Variants in AUTS2 observed in about 807,000 individuals in gnomAD.
AUTS2 encodes the protein activator of transcription and developmental regulator AUTS2.
AUTS2 carries 17 observed loss-of-function variants against 112.4 expected under a neutral mutation model. That is an observed-to-expected ratio of 0.15 (90% CI 0.10 to 0.23). The LOEUF (loss-of-function observed/expected upper bound fraction) is 0.23. Ranked by LOEUF, AUTS2 falls within the 10% of genes least tolerant of loss-of-function variation. The probability of loss-of-function intolerance (pLI) is 1.00; values close to 1 mark genes in which losing one functional copy is unlikely to be tolerated. For synonymous variants in AUTS2, 751 were observed against 702.7 expected, an observed-to-expected ratio of 1.07 and a Z score of -1.09; for missense variants, 1,510 against 1,701.6, an observed-to-expected ratio of 0.89 and a Z score of 1.98.
At chr7:70,315,751 A>G (rs1239506726) in intron 4 of AUTS2, among the ~76,000 whole-genome samples, 1 of 152,162 alleles carries the variant, frequency 6.6e-6, no homozygotes, top group African/African-American at 2.4e-5. Flanking sequence ...CCGGTCGACA[A>G]TCCATGTCTA....
At chr7:69,789,730 G>T (rs62457242) in intron 1 of AUTS2, among the ~76,000 whole-genome samples, 1 of 151,956 alleles carries the variant, frequency 6.6e-6, no homozygotes, top group Non-Finnish European at 1.5e-5. Flanking sequence ...ATTCCTTTTG[G>T]AACTCAGATC....
chr7:70,297,738 A>T (rs1789012769), intron 4 of AUTS2, among the ~76,000 whole-genome samples: 1 of 152,076 alleles, frequency 6.6e-6, no homozygotes, highest in African/African-American at 2.4e-5. Context: ...CTGAACGATG[A>T]ATTTTTCTAC....
intron 18 of AUTS2, among the ~76,000 whole-genome samples, chr7:70,787,814 T>G (rs1240683846): frequency 6.6e-6 from 1 of 152,190 alleles, no homozygotes; most frequent in African/African-American, 2.4e-5. Context: ...TAACCATCCA[T>G]AGGTTTTTCT....
intron 1 of AUTS2, among the ~76,000 whole-genome samples, chr7:69,729,910 C>T (rs923389480): frequency 6.6e-6 from 1 of 150,742 alleles, no homozygotes; most frequent in African/African-American, 2.4e-5. Flanking sequence ...CAAATTTGAG[C>T]CACATTTATG....
chr7:70,355,110 G>T (rs757696676), intron 4 of AUTS2, among the ~76,000 whole-genome samples: 2 of 151,390 alleles, frequency 1.3e-5, no homozygotes, highest in African/African-American at 4.9e-5. Context: ...GTATGGGTGT[G>T]TGTGTGTGTG....
At chr7:69,666,705 C>T (rs1403987587) in intron 1 of AUTS2, among the ~76,000 whole-genome samples, 1 of 151,972 alleles carries the variant, frequency 6.6e-6, no homozygotes, top group Non-Finnish European at 1.5e-5. Flanking sequence ...AGTTCCAGAC[C>T]AGCCTAGGCA....
chr7:70,730,009 C>T (rs1563157180), intron 6 of AUTS2, among the ~76,000 whole-genome samples: 1 of 152,074 alleles, frequency 6.6e-6, no homozygotes, highest in Non-Finnish European at 1.5e-5. Flanking sequence ...CAGCCTACTG[C>T]GTAGCTGGGA....
chr7:69,765,181 C>T (rs1182530158), intron 1 of AUTS2, among the ~76,000 whole-genome samples: 1 of 152,146 alleles, frequency 6.6e-6, no homozygotes, highest in African/African-American at 2.4e-5. Flanking sequence ...CCAAAATTGT[C>T]AACATAATTA....
At chr7:69,618,270 C>T (rs1261062266) in intron 1 of AUTS2, among the ~76,000 whole-genome samples, 3 of 152,170 alleles carry the variant, frequency 2.0e-5, no homozygotes, top group African/African-American at 7.2e-5. Flanking sequence ...TAGGTAGGGC[C>T]TAGCCTTGGG....
intron 5 of AUTS2, among the ~76,000 whole-genome samples, chr7:70,670,275 C>T (rs4718980): frequency 0.79 from 120,717 of 152,224 alleles, 48,646 homozygotes; most frequent in African/African-American, 0.94. Flanking sequence ...GGAAGGCTTA[C>T]AAATGAAATG....
At position 69,750,037 on chromosome 7, in the gene AUTS2, A is replaced by C. The variant is rs77281874; in HGVS notation, c.310-149249A>C. ...GAAAAGTTTACAAGGAATCTGAATA[A>C]CCTGCAGATATTCATATTGCAACAG... is the stretch of plus-strand genomic sequence containing the variant. On this transcript the variant is annotated intron_variant, in intron 1 of 18. Transcript: ENST00000342771. Among the ~76,000 whole-genome samples the C allele has an allele frequency of 2.9e-3, 444 of 152,260 alleles. 5 individuals are homozygous for C. The highest frequency in any genetic ancestry group is 0.01 in the African/African-American group (430 of 41,552).
chr7:69,668,640 T>C (rs528948120), intron 1 of AUTS2, among the ~76,000 whole-genome samples: 13 of 152,358 alleles, frequency 8.5e-5, no homozygotes, highest in African/African-American at 3.1e-4. Context: ...TAAGATTATT[T>C]TGTGGCTGGT....
intron 4 of AUTS2, among the ~76,000 whole-genome samples, chr7:70,306,236 G>A (rs1789487193): frequency 6.6e-6 from 1 of 152,212 alleles, no homozygotes; most frequent in Non-Finnish European, 1.5e-5. Flanking sequence ...GCCCGGGTCT[G>A]ATTGGTGAGT....
intron 1 of AUTS2, among the ~76,000 whole-genome samples, chr7:69,700,586 C>A (rs150577398): frequency 6.6e-6 from 1 of 152,290 alleles, no homozygotes; most frequent in Non-Finnish European, 1.5e-5. Flanking sequence ...TTGGGAAATT[C>A]TGCTGAGCTT....
intron 4 of AUTS2, among the ~76,000 whole-genome samples, chr7:70,433,228 G>C (rs1795748472): frequency 6.6e-6 from 1 of 152,248 alleles, no homozygotes; most frequent in African/African-American, 2.4e-5. Flanking sequence ...GGGGCACAGT[G>C]GTGGTTCTTT....
chr7:70,717,016 T>C (rs1367468896), intron 6 of AUTS2, among the ~76,000 whole-genome samples: 1 of 12,916 alleles, frequency 7.7e-5, no homozygotes, highest in East Asian at 1.8e-3. Flanking sequence ...TTTTTTTTTA[T>C]TACTGTTTAA....
At chr7:70,648,868 G>T (rs934430290) in intron 5 of AUTS2, among the ~76,000 whole-genome samples, 4 of 152,112 alleles carry the variant, frequency 2.6e-5, no homozygotes, top group Non-Finnish European at 5.9e-5. Flanking sequence ...TTACAGATAT[G>T]AGCCACCGCG....
intron 4 of AUTS2, among the ~76,000 whole-genome samples, chr7:70,300,751 T>C (rs931985109): frequency 2.0e-5 from 3 of 152,214 alleles, no homozygotes; most frequent in Admixed American, 6.5e-5. Flanking sequence ...ACTGCATGCA[T>C]AGGCTTACAT....
intron 1 of AUTS2, among the ~76,000 whole-genome samples, chr7:69,730,222 C>T (rs936580413): frequency 4.0e-5 from 6 of 151,480 alleles, no homozygotes. Flanking sequence ...TTGTGCCTGG[C>T]AATATGTAAC....
Sources: gnomAD v4.1 joint callset for allele counts (sites outside exome capture counted in the v4.1 genomes callset) on GRCh38, gnomAD v4.1.1 for gene constraint, MANE v1.5 for transcripts, NCBI Gene and HGNC (gene_info 2026-07-23, HGNC 2026-07-21) for gene names.